The following ANKS1B variants were observed in gnomAD, a reference collection of about 807,000 sequenced individuals.
ANKS1B encodes the protein ankyrin repeat and sterile alpha motif domain-containing protein 1B.
ANKS1B carries 36 observed loss-of-function variants against 148.3 expected under a neutral mutation model. The ratio of observed to expected loss-of-function variants is 0.24; its 90% CI spans 0.19 to 0.32. The LOEUF is 0.32. Ranked by LOEUF, ANKS1B falls within the 10% of genes least tolerant of loss-of-function variation. The probability of loss-of-function intolerance (pLI) is 1.00; values close to 1 mark genes in which losing one functional copy is unlikely to be tolerated. For synonymous variants in ANKS1B, 542 were observed against 560.8 expected (o/e 0.97, Z 0.47); for missense variants, 1,157 against 1,542.6 (o/e 0.75, Z 4.19).
chr12:99,393,314 A>G (rs1001591190), intron 12 of ANKS1B, among the ~76,000 whole-genome samples: 2 of 152,328 alleles, frequency 1.3e-5, no homozygotes, highest in Admixed American at 6.5e-5. Context: ...AATGAGACAC[A>G]TAGTGGCCAT....
chr12:99,277,712 T>C (rs1374207760), intron 12 of ANKS1B, among the ~76,000 whole-genome samples: 1 of 152,196 alleles, frequency 6.6e-6, no homozygotes, highest in Non-Finnish European at 1.5e-5. Context: ...TAGTATGTGC[T>C]TTTGAACTGG....
chr12:99,631,955 C>T (rs1567520366), intron 9 of ANKS1B, among the ~76,000 whole-genome samples: 1 of 152,126 alleles, frequency 6.6e-6, no homozygotes, highest in Non-Finnish European at 1.5e-5. Context: ...GAGCCAGGTG[C>T]TATTCCTCAA....
chr12:99,754,905 TC>T (rs2061426893), intron 8 of ANKS1B, among the ~76,000 whole-genome samples: 2 of 151,874 alleles, frequency 1.3e-5, no homozygotes, highest in African/African-American at 4.8e-5. Context: ...TAGAAAGAGC[TC>T]AAGTTAACAA....
At chr12:99,150,455 A>C (rs1393963402) in intron 15 of ANKS1B, among the ~76,000 whole-genome samples, 3 of 152,140 alleles carry the variant, frequency 2.0e-5, no homozygotes, top group African/African-American at 4.8e-5. Flanking sequence ...CAGCCATTAA[A>C]GAAAGCTACC....
chr12:99,046,319 C>T (rs909516796), intron 17 of ANKS1B, among the ~76,000 whole-genome samples: 9 of 151,912 alleles, frequency 5.9e-5, no homozygotes, highest in South Asian at 2.1e-4. Flanking sequence ...TAATGTCTGG[C>T]GTGTAATAAA....
intron 1 of ANKS1B, among the ~76,000 whole-genome samples, chr12:99,949,959 A>G (rs891227): frequency 0.62 from 94,048 of 150,984 alleles, 30,554 homozygotes; most frequent in African/African-American, 0.75. Flanking sequence ...AGCCACTCTT[A>G]TTTGTTTGTT....
chr12:99,216,153 T>C (rs2084145658), intron 14 of ANKS1B, among the ~76,000 whole-genome samples: 3 of 152,234 alleles, frequency 2.0e-5, no homozygotes, highest in Admixed American at 2.0e-4. Flanking sequence ...ATGTAAGATG[T>C]GCCTTTGCAC....
At chr12:99,430,655 G>A (rs187152469) in intron 11 of ANKS1B, among the ~76,000 whole-genome samples, 10 of 152,214 alleles carry the variant, frequency 6.6e-5, no homozygotes, top group African/African-American at 1.9e-4. Flanking sequence ...GCTGTAAAAC[G>A]ACATTGGGGA....
At chr12:99,370,298 T>C (rs1036964466) in intron 12 of ANKS1B, among the ~76,000 whole-genome samples, 8 of 151,978 alleles carry the variant, frequency 5.3e-5, no homozygotes, top group African/African-American at 1.9e-4. Flanking sequence ...ATAGAGAGCA[T>C]TTAGGGGAAA....
chr12:99,863,516 C>T (rs1001086186), intron 1 of ANKS1B, among the ~76,000 whole-genome samples: 2 of 151,896 alleles, frequency 1.3e-5, no homozygotes, highest in African/African-American at 4.8e-5. Flanking sequence ...GAGATTGAGA[C>T]CATCCTGGCT....
At chr12:99,651,516 T>C (rs1160713256) in intron 9 of ANKS1B, among the ~76,000 whole-genome samples, 2 of 152,164 alleles carry the variant, frequency 1.3e-5, no homozygotes, top group Non-Finnish European at 2.9e-5. Context: ...GCTTACCACA[T>C]TGTAGTCCCT....
At chr12:99,488,540 A>T (rs562734246) in intron 10 of ANKS1B, among the ~76,000 whole-genome samples, 1 of 152,326 alleles carries the variant, frequency 6.6e-6, no homozygotes, top group East Asian at 1.9e-4. Flanking sequence ...CTAGTTCTTT[A>T]GCAAACCTCT....
intron 9 of ANKS1B, among the ~76,000 whole-genome samples, chr12:99,527,229 G>A (rs1048086006): frequency 7.9e-5 from 12 of 151,964 alleles, no homozygotes; most frequent in Non-Finnish European, 1.5e-4. Context: ...AAAGGTACTC[G>A]TTGAAAAACT....
intron 1 of ANKS1B, among the ~76,000 whole-genome samples, chr12:99,919,789 A>AAAAAAC (rs747673745): frequency 5.9e-5 from 9 of 151,910 alleles, no homozygotes; most frequent in African/African-American, 1.9e-4. Context: ...TAAAAAAAAA[A>AAAAAAC]AAAAACCTGG....
chr12:99,703,554 C>G (rs1244288007), intron 8 of ANKS1B, among the ~76,000 whole-genome samples: 1 of 152,010 alleles, frequency 6.6e-6, no homozygotes, highest in Non-Finnish European at 1.5e-5. Flanking sequence ...ATTTCCACCC[C>G]TCCCTCCTTA....
chr12:98,803,554 G>C (rs931525712), intron 20 of ANKS1B, among the ~76,000 whole-genome samples: 12 of 152,164 alleles, frequency 7.9e-5, no homozygotes, highest in African/African-American at 2.9e-4. Flanking sequence ...CTGCTGATGT[G>C]ACAACTCAAA....
intron 14 of ANKS1B, among the ~76,000 whole-genome samples, chr12:99,156,052 T>C (rs574592420): frequency 6.6e-6 from 1 of 152,290 alleles, no homozygotes; most frequent in African/African-American, 2.4e-5. Flanking sequence ...ATTTATTGAA[T>C]AAATGAAACA....
intron 9 of ANKS1B, among the ~76,000 whole-genome samples, chr12:99,581,288 C>A (rs1183424069): frequency 1.3e-5 from 2 of 151,896 alleles, no homozygotes; most frequent in Non-Finnish European, 2.9e-5. Context: ...TACAGTGACA[C>A]CAAGGTAATT....
At chr12:99,466,060 T>TA (rs1201463488) in intron 10 of ANKS1B, among the ~76,000 whole-genome samples, 1 of 151,978 alleles carries the variant, frequency 6.6e-6, no homozygotes, top group Non-Finnish European at 1.5e-5. Flanking sequence ...TCAGCAAATG[T>TA]AAAAAAACAG....
Sources: allele counts gnomAD v4.1 joint callset (sites outside exome capture counted in the v4.1 genomes callset), GRCh38; gene constraint gnomAD v4.1.1; transcripts MANE v1.5; gene names NCBI Gene and HGNC (gene_info 2026-07-23, HGNC 2026-07-21).